ZNF385B: variants seen among roughly 807,000 people sequenced by gnomAD.
ZNF385B encodes zinc finger protein 533.
Under a neutral mutation model 39.2 loss-of-function variants are expected in ZNF385B, and 23 were observed. The observed-to-expected ratio is 0.59, with a 90% CI of 0.42 to 0.83. The LOEUF is 0.83. Among genes scored for constraint, ZNF385B ranks in the 40% least tolerant of loss-of-function variants. ZNF385B has a pLI of 0.00. For missense variants in ZNF385B, 552 were observed against 598.9 expected, an observed-to-expected ratio of 0.92 and a Z score of 0.82; for synonymous variants, 205 against 222.6, an observed-to-expected ratio of 0.92 and a Z score of 0.70.
intron 5 of ZNF385B, among the ~76,000 whole-genome samples, chr2:179,497,986 T>C (rs1249637514): frequency 6.6e-6 from 1 of 152,074 alleles, no homozygotes; most frequent in Admixed American, 6.6e-5. Flanking sequence ...TATATAGTGA[T>C]AAAGGGGTCA....
intron 1 of ZNF385B, among the ~76,000 whole-genome samples, chr2:179,779,248 G>C (rs752843789): frequency 6.6e-6 from 1 of 152,188 alleles, no homozygotes; most frequent in Non-Finnish European, 1.5e-5. Context: ...GCAGTAGAGG[G>C]AAAAACACTG....
chr2:179,520,839 C>A (rs1015864470), intron 4 of ZNF385B, among the ~76,000 whole-genome samples: 1 of 152,156 alleles, frequency 6.6e-6, no homozygotes, highest in African/African-American at 2.4e-5. Context: ...CATATCCATA[C>A]ACTAATATTT....
intron 4 of ZNF385B, among the ~76,000 whole-genome samples, chr2:179,523,297 AT>A (rs199635243): frequency 0.021 from 2,890 of 137,332 alleles, 88 homozygotes; most frequent in African/African-American, 0.064. Flanking sequence ...AATAAGAACA[AT>A]TTTTTTTTTT....
chr2:179,740,745 T>C (rs186103916), intron 3 of ZNF385B, among the ~76,000 whole-genome samples: 23 of 152,264 alleles, frequency 1.5e-4, no homozygotes, highest in Non-Finnish European at 1.2e-4. Flanking sequence ...CTAAAGAGCA[T>C]AGTTTAAATA....
At chr2:179,505,327 A>G (rs1169335649) in intron 5 of ZNF385B, among the ~76,000 whole-genome samples, 1 of 152,102 alleles carries the variant, frequency 6.6e-6, no homozygotes, top group Admixed American at 6.6e-5. Flanking sequence ...GGAGATTGTT[A>G]GTATTTTTAG....
intron 3 of ZNF385B, among the ~76,000 whole-genome samples, chr2:179,665,282 C>T (rs1306387168): frequency 6.6e-6 from 1 of 152,230 alleles, no homozygotes; most frequent in Non-Finnish European, 1.5e-5. Flanking sequence ...TCAATTCCCG[C>T]AACTCCTCAG....
At chr2:179,690,488 G>C (rs1211094333) in intron 3 of ZNF385B, among the ~76,000 whole-genome samples, 1 of 152,130 alleles carries the variant, frequency 6.6e-6, no homozygotes, top group East Asian at 1.9e-4. Context: ...ATCTGCATTT[G>C]GTTGGAAAAA....
chr2:179,729,890 G>A (rs1383326062), intron 3 of ZNF385B, among the ~76,000 whole-genome samples: 1 of 152,122 alleles, frequency 6.6e-6, no homozygotes, highest in Non-Finnish European at 1.5e-5. Flanking sequence ...CGTGTAAGAT[G>A]TATCTGCTTC....
intron 5 of ZNF385B, among the ~76,000 whole-genome samples, chr2:179,489,791 A>T (rs1000298842): frequency 6.6e-6 from 1 of 152,232 alleles, no homozygotes; most frequent in African/African-American, 2.4e-5. Context: ...TAAGGCCTGC[A>T]ATATCAGTAA....
At chr2:179,482,988 G>C (rs2054165006) in intron 6 of ZNF385B, among the ~76,000 whole-genome samples, 1 of 151,366 alleles carries the variant, frequency 6.6e-6, no homozygotes, top group African/African-American at 2.4e-5. Context: ...AACACATTGT[G>C]ATCAAGTAGT....
chr2:179,859,436 A>G (rs1262401033), intron 1 of ZNF385B, among the ~76,000 whole-genome samples: 1 of 152,228 alleles, frequency 6.6e-6, no homozygotes, highest in Non-Finnish European at 1.5e-5. Context: ...GTAAAATAAT[A>G]TACTGCAAAC....
intron 3 of ZNF385B, among the ~76,000 whole-genome samples, chr2:179,553,857 C>T (rs1247488043): frequency 1.3e-5 from 2 of 148,804 alleles, no homozygotes; most frequent in East Asian, 3.9e-4. Context: ...AGCATAGAAT[C>T]AAGCCTTAAA....
chr2:179,571,775 A>G (rs755463215), intron 3 of ZNF385B, among the ~76,000 whole-genome samples: 3 of 152,086 alleles, frequency 2.0e-5, no homozygotes, highest in Non-Finnish European at 2.9e-5. Flanking sequence ...GAACAAATCC[A>G]GATCATCTCC....
intron 3 of ZNF385B, among the ~76,000 whole-genome samples, chr2:179,752,751 T>C (rs2106471865): frequency 6.6e-6 from 1 of 152,258 alleles, no homozygotes; most frequent in African/African-American, 2.4e-5. Context: ...TGTCTGTTCA[T>C]ATACTTCACC....
intron 5 of ZNF385B, among the ~76,000 whole-genome samples, chr2:179,513,561 A>C (rs2057852705): frequency 6.6e-6 from 1 of 152,232 alleles, no homozygotes; most frequent in African/African-American, 2.4e-5. Context: ...TGGGGCTCGA[A>C]AGAAATTCTT....
chr2:179,468,079 A>G (rs948186684), intron 6 of ZNF385B, among the ~76,000 whole-genome samples: 1 of 152,168 alleles, frequency 6.6e-6, no homozygotes, highest in Non-Finnish European at 1.5e-5. Context: ...TCTAAGCATC[A>G]TATGACAACT....
intron 3 of ZNF385B, among the ~76,000 whole-genome samples, chr2:179,752,562 G>A (rs186761297): frequency 7.3e-4 from 111 of 152,300 alleles, no homozygotes; most frequent in African/African-American, 2.3e-3. Context: ...CAGTGTAAAA[G>A]TGTTCCTGTT....
intron 1 of ZNF385B, among the ~76,000 whole-genome samples, chr2:179,782,364 C>T (rs1704720082): frequency 6.6e-6 from 1 of 152,008 alleles, no homozygotes; most frequent in South Asian, 2.1e-4. Context: ...TATGACAAAC[C>T]CACAGCAACA....
chr2:179,845,205 C>T (rs916776624), intron 1 of ZNF385B, among the ~76,000 whole-genome samples: 5 of 152,114 alleles, frequency 3.3e-5, no homozygotes, highest in Non-Finnish European at 7.3e-5. Context: ...GCAAATTATT[C>T]CTACAGGTTT....
Sources: allele counts gnomAD v4.1 joint callset (sites outside exome capture counted in the v4.1 genomes callset), GRCh38; gene constraint gnomAD v4.1.1; transcripts MANE v1.5; gene names NCBI Gene and HGNC (gene_info 2026-07-23, HGNC 2026-07-21).